The following HDAC9 variants were observed in gnomAD, a reference collection of about 807,000 sequenced individuals.
The protein encoded by HDAC9 is histone deacetylase 9, also known as MEF-2 interacting transcription repressor (MITR) protein.
In HDAC9, 41 loss-of-function variants were observed where a neutral mutation model predicts 139.4. The observed-to-expected ratio is 0.29, with a 90% confidence interval of 0.23 to 0.38. HDAC9 has a LOEUF of 0.38. Ranked by LOEUF, HDAC9 falls within the 10% of genes least tolerant of loss-of-function variation. The pLI is 1.00. For missense variants in HDAC9, 1,147 were observed against 1,297.0 expected (o/e 0.88, Z 1.78); for synonymous variants, 517 against 476.2 (o/e 1.09, Z -1.12).
At chr7:18,225,638 A>G (rs1793005517) in intron 2 of HDAC9, among the ~76,000 whole-genome samples, 1 of 152,184 alleles carries the variant, frequency 6.6e-6, no homozygotes, top group Non-Finnish European at 1.5e-5. Context: ...ATAAAAATTA[A>G]GTTGCCACAA....
intron 1 of HDAC9, among the ~76,000 whole-genome samples, chr7:18,418,331 T>C (rs950488184): frequency 2.6e-5 from 4 of 151,978 alleles, no homozygotes; most frequent in African/African-American, 7.3e-5. Context: ...TAAATCCTAG[T>C]ATTTTTTCTA....
At position 18,576,945 on chromosome 7, in the gene HDAC9, A is replaced by AAG. The variant is rs142999008; in HGVS notation, c.23-8320_23-8319dup. On this transcript the variant is annotated intron_variant, in intron 2 of 25. Transcript: ENST00000686413. ...GAAGGGATCTGCAGTGAGAGAGAAA[A>AAG]AGAGAGAGAGAGAGAGACTCTTTTC... Among the ~76,000 whole-genome samples, 175 of 151,440 alleles carry AAG rather than the reference A, an allele frequency of 1.2e-3. 2 individuals carry two copies. The Middle Eastern group carries it at 0.031, about 26-fold the overall frequency.
At chr7:18,192,735 A>G (rs560947596) in intron 2 of HDAC9, among the ~76,000 whole-genome samples, 1 of 152,326 alleles carries the variant, frequency 6.6e-6, no homozygotes, top group South Asian at 2.1e-4. Flanking sequence ...CAATTCAACA[A>G]TGGAATAGAA....
chr7:18,426,606 C>A (rs547842377), intron 1 of HDAC9, among the ~76,000 whole-genome samples: 1 of 152,270 alleles, frequency 6.6e-6, no homozygotes, highest in African/African-American at 2.4e-5. Flanking sequence ...AAAATGACTA[C>A]CTCAGGCATC....
intron 1 of HDAC9, among the ~76,000 whole-genome samples, chr7:18,359,547 C>A (rs1209387966): frequency 3.3e-5 from 5 of 152,212 alleles, no homozygotes; most frequent in African/African-American, 1.2e-4. Context: ...GTACAATGAA[C>A]TTGCATGTAA....
chr7:18,192,612 T>C (rs1422478973), intron 2 of HDAC9, among the ~76,000 whole-genome samples: 1 of 152,156 alleles, frequency 6.6e-6, no homozygotes, highest in African/African-American at 2.4e-5. Flanking sequence ...GATATAGTAT[T>C]TGGGGATGGT....
At chr7:18,252,451 C>T (rs185499193) in intron 2 of HDAC9, among the ~76,000 whole-genome samples, 4 of 152,140 alleles carry the variant, frequency 2.6e-5, no homozygotes, top group Admixed American at 2.6e-4. Flanking sequence ...ATATAATGAA[C>T]CTATCCTATA....
At chr7:18,851,675 C>G (rs918390037) in intron 21 of HDAC9, among the ~76,000 whole-genome samples, 1 of 152,096 alleles carries the variant, frequency 6.6e-6, no homozygotes, top group Non-Finnish European at 1.5e-5. Context: ...AGGTTAAGAA[C>G]ACATTTGTAC....
chr7:18,493,003 C>T (rs1475057261), upstream of HDAC9, among the ~76,000 whole-genome samples: 1 of 151,710 alleles, frequency 6.6e-6, no homozygotes, highest in Non-Finnish European at 1.5e-5. Context: ...AGGGATGAAA[C>T]GTAAATAAAC....
At chr7:18,364,898 A>G (rs1273794209) in intron 1 of HDAC9, among the ~76,000 whole-genome samples, 2 of 152,180 alleles carry the variant, frequency 1.3e-5, no homozygotes, top group Admixed American at 1.3e-4. Flanking sequence ...TACCTTTAAA[A>G]TGTAGCAGAA....
chr7:18,117,801 G>T (rs1031924060), intron 1 of HDAC9, among the ~76,000 whole-genome samples: 2 of 152,184 alleles, frequency 1.3e-5, no homozygotes, highest in African/African-American at 2.4e-5. Flanking sequence ...CCAGTCTGTG[G>T]TACTTTGTTA....
intron 1 of HDAC9, among the ~76,000 whole-genome samples, chr7:18,403,454 CTTG>C (rs1293972436): frequency 6.6e-6 from 1 of 152,120 alleles, no homozygotes; most frequent in Non-Finnish European, 1.5e-5. Context: ...CGCTGTTGCA[CTTG>C]TTATTTTCCT....
At chr7:18,719,406 C>G (rs957040909) in intron 12 of HDAC9, among the ~76,000 whole-genome samples, 3 of 127,394 alleles carry the variant, frequency 2.4e-5, no homozygotes, top group Non-Finnish European at 4.7e-5. Context: ...ATGGCACGAT[C>G]TCGGCTCACT....
At chr7:18,269,017 A>G (rs1250750511) in intron 2 of HDAC9, among the ~76,000 whole-genome samples, 2 of 152,228 alleles carry the variant, frequency 1.3e-5, no homozygotes, top group African/African-American at 4.8e-5. Flanking sequence ...CTTTTGCCTA[A>G]TAAATATTGC....
At chr7:18,501,656 G>T (rs189666661) in intron 2 of HDAC9, among the ~76,000 whole-genome samples, 8 of 152,082 alleles carry the variant, frequency 5.3e-5, no homozygotes, top group Admixed American at 1.3e-4. Flanking sequence ...ATCTCCTGAA[G>T]AATTCATATA....
At chr7:18,216,106 CTG>C (rs56214633) in intron 2 of HDAC9, among the ~76,000 whole-genome samples, 41,473 of 147,522 alleles carry the variant, frequency 0.28, 6,052 homozygotes, top group South Asian at 0.4. Context: ...GCCTGCGTGT[CTG>C]TGTGTGTGTG....
At chr7:18,138,527 GGTGTGTGTGTGTGT>G (rs71014309) in intron 1 of HDAC9, among the ~76,000 whole-genome samples, 69 of 142,660 alleles carry the variant, frequency 4.8e-4, no homozygotes, top group African/African-American at 1.6e-3. Context: ...GAGAGAGAGA[GGTGTGTGTGTGTGT>G]GTGTGTGTGT....
rs190903930 is a variant in HDAC9 at position 18,144,057 on chromosome 7, T to C, written c.-96-18172T>C. Among the ~76,000 whole-genome samples the C allele has an allele frequency of 9.5e-4, 144 of 152,292 alleles. 3 individuals carry two copies. Among genetic ancestry groups the C allele is most frequent in the South Asian group, 2.1e-4 (1 of 4,820 alleles). ...ATCTACATGTCACACCTGGTTTTGATTTTAATGACTTTCAGACTCTTCAGT... is the reference window on the plus strand; with the variant it reads ...ATCTACATGTCACACCTGGTTTTGACTTTAATGACTTTCAGACTCTTCAGT... On this transcript the variant is annotated intron_variant, in intron 1 of 12. Transcript: ENST00000417496.
chr7:18,937,030 A>ATTTTTTTTTTTTTTT (rs768350029), intron 23 of HDAC9, among the ~76,000 whole-genome samples: 2 of 96,696 alleles, frequency 2.1e-5, no homozygotes, highest in East Asian at 3.2e-4. Flanking sequence ...GCTCTTGTTA[A>ATTTTTTTTTTTTTTT]TTTTTTTTTT....
Sources: allele counts gnomAD v4.1 joint callset (sites outside exome capture counted in the v4.1 genomes callset), GRCh38; gene constraint gnomAD v4.1.1; transcripts MANE v1.5; gene names NCBI Gene and HGNC (gene_info 2026-07-23, HGNC 2026-07-21).